Variants in PDLIM5 observed in about 807,000 individuals in gnomAD.
PDLIM5 encodes the protein PDZ and LIM domain protein 5.
A neutral mutation model predicts 64.2 loss-of-function variants in PDLIM5; 34 were observed. That is an observed-to-expected ratio of 0.53 (90% CI 0.40 to 0.71). The LOEUF (loss-of-function observed/expected upper bound fraction) is 0.71. PDLIM5 is among the 30% of genes least tolerant of loss of function. The pLI is 0.00. For synonymous variants in PDLIM5, 253 were observed against 269.1 expected, an observed-to-expected ratio of 0.94 and a Z score of 0.59; for missense variants, 683 against 733.6, an observed-to-expected ratio of 0.93 and a Z score of 0.80.
Position 94,455,374 on chromosome 4 carries a change from C to G in PDLIM5, c.86C>G (p.Thr29Arg). ...QGGKDFNMPL[T>R]ISSLKDGGKA... ...GGTAAGGATTTCAACATGCCTCTGACAATCTCTAGTGTAAGTAAACTTTAC... is the reference window on the plus strand; with the variant it reads ...GGTAAGGATTTCAACATGCCTCTGAGAATCTCTAGTGTAAGTAAACTTTAC... Residue 29 changes from threonine to arginine, a missense_variant, in exon 2 of 13, where the codon ACA (threonine) becomes AGA (arginine). Physicochemically the swap from Thr to Arg is moderately conservative, Grantham distance 71. Coordinates refer to ENST00000317968, the MANE Select transcript of PDLIM5 (RefSeq NM_006457.5). The G allele has an allele frequency of 6.2e-7, 1 of 1,604,522 alleles. No individual in the cohort carries two copies. Among genetic ancestry groups the G allele is most frequent in the Non-Finnish European group, 8.5e-7 (1 of 1,171,256 alleles).
chr4:94,561,277 T>C (rs1733824238), intron 3 of PDLIM5, among the ~76,000 whole-genome samples: 2 of 152,334 alleles, frequency 1.3e-5, no homozygotes, highest in Non-Finnish European at 1.5e-5. Context: ...TGTGGGCCAA[T>C]TGATCCTTCC....
At chr4:94,538,916 TG>T (rs1345209200) in intron 3 of PDLIM5, among the ~76,000 whole-genome samples, 8 of 152,234 alleles carry the variant, frequency 5.3e-5, no homozygotes, top group Admixed American at 5.2e-4. Flanking sequence ...GGATGAATGA[TG>T]ATGGTAGGAG....
intron 9 of PDLIM5, among the ~76,000 whole-genome samples, chr4:94,640,954 G>T (rs567390451): frequency 1.3e-5 from 2 of 152,162 alleles, no homozygotes; most frequent in African/African-American, 2.4e-5. Context: ...GTTAGATTAC[G>T]TAATGACCTG....
Position 94,623,472 on chromosome 4 carries a change from T to C in PDLIM5, c.1108+5281T>C, listed in dbSNP as rs192855728. ...GTGAAGCTTTCTTGAGCCCTCTTGT[T>C]ACCTGTTCTTTTTCAATACTCCTAC... is the stretch of plus-strand genomic sequence containing the variant. On this transcript the variant is annotated intron_variant, in intron 8 of 12. Coordinates refer to ENST00000317968, the MANE Select transcript of PDLIM5 (RefSeq NM_006457.5). Among the ~76,000 whole-genome samples, 337 of 152,336 alleles carry C rather than the reference T, an allele frequency of 2.2e-3. 3 individuals are homozygous for C. Among genetic ancestry groups the C allele is most frequent in the African/African-American group, 7.8e-3 (324 of 41,580 alleles).
At chr4:94,508,636 A>G (rs1359600621) in intron 2 of PDLIM5, among the ~76,000 whole-genome samples, 1 of 152,226 alleles carries the variant, frequency 6.6e-6, no homozygotes, top group Non-Finnish European at 1.5e-5. Flanking sequence ...TTTCTTGGAA[A>G]CAATCTGGCA....
chr4:94,517,357 A>G (rs1283221967), intron 2 of PDLIM5, among the ~76,000 whole-genome samples: 1 of 152,236 alleles, frequency 6.6e-6, no homozygotes, highest in Non-Finnish European at 1.5e-5. Context: ...ACTGTCAACC[A>G]TAGTCTTATA....
At chr4:94,638,902 G>A (rs1195348889) in intron 8 of PDLIM5, among the ~76,000 whole-genome samples, 1 of 152,068 alleles carries the variant, frequency 6.6e-6, no homozygotes, top group Non-Finnish European at 1.5e-5. Flanking sequence ...CTGCCCTCAG[G>A]GAGTATACTA....
intron 2 of PDLIM5, among the ~76,000 whole-genome samples, chr4:94,474,279 C>A (rs571799838): frequency 6.6e-6 from 1 of 152,254 alleles, no homozygotes; most frequent in East Asian, 1.9e-4. Flanking sequence ...GAGACAGAGT[C>A]TTGCTCTGTC....
chr4:94,479,374 T>A lies in PDLIM5; in HGVS notation c.96+23990T>A, dbSNP rs536147921. On this transcript the variant is annotated intron_variant, in intron 2 of 12. Coordinates refer to ENST00000317968, the MANE Select transcript of PDLIM5 (RefSeq NM_006457.5). Reference sequence around the variant, plus strand: ...GACAGGGTCTCACTCTTGCCCAGGCTGGAGTGCAGTGGCACAATCGTGGCT... The same window carrying A: ...GACAGGGTCTCACTCTTGCCCAGGCAGGAGTGCAGTGGCACAATCGTGGCT... Among the ~76,000 whole-genome samples, 7 of 147,832 alleles carry A rather than the reference T, an allele frequency of 4.7e-5. No individual in the cohort carries two copies. The South Asian group carries it at 1.5e-3, about 32-fold the overall frequency.
chr4:94,514,301 A>AT (rs1180527447), intron 2 of PDLIM5, among the ~76,000 whole-genome samples: 1 of 151,618 alleles, frequency 6.6e-6, no homozygotes, highest in South Asian at 2.1e-4. Flanking sequence ...CGCCCAGCTA[A>AT]TTTTTTGTAT....
intron 2 of PDLIM5, among the ~76,000 whole-genome samples, chr4:94,476,221 A>G (rs1025358497): frequency 2.6e-5 from 4 of 152,154 alleles, no homozygotes; most frequent in Non-Finnish European, 4.4e-5. Context: ...TCATAATTAC[A>G]TATTATGAAT....
intron 3 of PDLIM5, among the ~76,000 whole-genome samples, chr4:94,572,946 G>A (rs966894468): frequency 2.0e-5 from 3 of 152,164 alleles, no homozygotes; most frequent in Non-Finnish European, 4.4e-5. Flanking sequence ...AGAAAAGACA[G>A]ATACTGTTGG....
intron 7 of PDLIM5, among the ~76,000 whole-genome samples, chr4:94,602,641 A>G (rs941600242): frequency 1.3e-5 from 2 of 152,020 alleles, no homozygotes; most frequent in Admixed American, 6.6e-5. Flanking sequence ...TTTTTAGTAG[A>G]GACGGAGTTT....
intron 2 of PDLIM5, among the ~76,000 whole-genome samples, chr4:94,522,500 C>T (rs147229542): frequency 0.025 from 3,856 of 152,074 alleles, 166 homozygotes; most frequent in African/African-American, 0.088. Flanking sequence ...CTCAGCCTCC[C>T]GAGTAGCTGG....
intron 3 of PDLIM5, among the ~76,000 whole-genome samples, chr4:94,547,039 A>G (rs2110200092): frequency 6.6e-6 from 1 of 152,286 alleles, no homozygotes; most frequent in Non-Finnish European, 1.5e-5. Context: ...GAACATGGTT[A>G]ATTCTGAATA....
intron 2 of PDLIM5, among the ~76,000 whole-genome samples, chr4:94,497,990 AGTT>A (rs3840292): frequency 0.42 from 63,532 of 151,854 alleles, 15,703 homozygotes; most frequent in South Asian, 0.72. Flanking sequence ...ACACTGTTAC[AGTT>A]GTTGTTGGAA....
intron 3 of PDLIM5, among the ~76,000 whole-genome samples, chr4:94,526,568 A>G (rs1730372076): frequency 6.6e-6 from 1 of 152,196 alleles, no homozygotes; most frequent in South Asian, 2.1e-4. Flanking sequence ...AATTCGTAGT[A>G]TAACATTGAC....
chr4:94,534,157 A>T (rs1440275239), intron 3 of PDLIM5, among the ~76,000 whole-genome samples: 1 of 152,190 alleles, frequency 6.6e-6, no homozygotes, highest in African/African-American at 2.4e-5. Flanking sequence ...TAGAGGAACG[A>T]TGCAAATGTA....
intron 8 of PDLIM5, among the ~76,000 whole-genome samples, chr4:94,637,661 GA>G (rs1373160054): frequency 2.6e-5 from 4 of 152,208 alleles, no homozygotes; most frequent in African/African-American, 9.6e-5. Flanking sequence ...GATATGTGGG[GA>G]AACAGAAAGG....
Sources: gnomAD v4.1 joint callset for allele counts (sites outside exome capture counted in the v4.1 genomes callset) on GRCh38, gnomAD v4.1.1 for gene constraint, MANE v1.5 for transcripts, NCBI Gene and HGNC (gene_info 2026-07-23, HGNC 2026-07-21) for gene names.